The following MIGA2 variants were observed in gnomAD, a reference collection of about 807,000 sequenced individuals.
The protein encoded by MIGA2 is mitoguardin 2, also known as family with sequence similarity 73, member B.
Under a neutral mutation model 69.9 loss-of-function variants are expected in MIGA2, and 36 were observed. The ratio of observed to expected loss-of-function variants is 0.52; its 90% CI spans 0.39 to 0.68. MIGA2 has a LOEUF of 0.68. Among genes scored for constraint, MIGA2 ranks in the 30% least tolerant of loss-of-function variants. The pLI is 0.00. For synonymous variants in MIGA2, 333 were observed against 349.2 expected, an observed-to-expected ratio of 0.95 and a Z score of 0.52; for missense variants, 660 against 787.7, an observed-to-expected ratio of 0.84 and a Z score of 1.94.
In MIGA2 at chr9:129,060,513, G is replaced by C. The variant is rs151069272; in HGVS notation, c.794-37G>C. 3 of 1,494,784 alleles carry C rather than the reference G, an allele frequency of 2.0e-6. No homozygotes were observed. Among genetic ancestry groups the C allele is most frequent in the African/African-American group, 1.4e-5 (1 of 72,380 alleles). 92.6% of individuals were successfully genotyped at this position (1,494,784 alleles called of 1,614,324 possible). Reference sequence around the variant, plus strand: ...GGATTCCAGCTGAGCACTGTGTGGGGAGTCTCAGCCCCGCTTTCTCTCACT... The same window carrying C: ...GGATTCCAGCTGAGCACTGTGTGGGCAGTCTCAGCCCCGCTTTCTCTCACT... On this transcript the variant is annotated intron_variant, in intron 7 of 15. Coordinates refer to ENST00000684074, the MANE Select transcript of MIGA2 (RefSeq NM_001329990.2). The surrounding 1 kb of genome is among the most constrained non-coding windows in gnomAD (Gnocchi z 4.8).
intron 6 of MIGA2, among the ~76,000 whole-genome samples, chr9:129,057,348 G>A (rs1263974935): frequency 2.6e-5 from 4 of 152,016 alleles, no homozygotes; most frequent in African/African-American, 9.7e-5. Context: ...CTGGAGTGCA[G>A]TGGCTCTCGA....
rs570430958 is a variant in MIGA2, at chr9:129,069,620, G to A, written c.1459-229G>A. 6.1e-5 allele frequency: 35 copies of A among 576,714 alleles called. 1 individual carries two copies. In the Middle Eastern group the frequency reaches 2.2e-3, roughly 37 times the overall value. 35.7% of individuals were successfully genotyped at this position (576,714 alleles called of 1,614,324 possible). A position where few individuals can be genotyped will look rare whatever the true frequency, so the allele number is the denominator to read the frequency against. ...GCCACGTGCTCCAGGCACTTCCCGC[G>A]GAGCCACTATGGCCCCACCTCTTGC... On this transcript the variant is annotated intron_variant, in intron 14 of 15. Coordinates refer to ENST00000684074, the MANE Select transcript of MIGA2 (RefSeq NM_001329990.2). This position sits in a 1 kb window ranked among gnomAD's most constrained non-coding sequence, Gnocchi z 4.9.
At chr9:129,049,298 A>G in intron 4 of MIGA2, 83 bp from the exon 5 acceptor site, 2 of 1,322,278 alleles carry the variant, frequency 1.5e-6, no homozygotes, top group South Asian at 2.5e-5. Context: ...GCCCATGGTC[A>G]GGCAGTGGAG....
At chr9:129,046,638 G>T (rs920376185) in intron 3 of MIGA2, among the ~76,000 whole-genome samples, 72 of 151,880 alleles carry the variant, frequency 4.7e-4, no homozygotes, top group Non-Finnish European at 8.8e-5. Flanking sequence ...CTAGAGACAG[G>T]GTTTCACCAT....
rs188689406 is a variant in MIGA2 at position 129,064,913 on chromosome 9, G to A, written c.1170+1282G>A. On this transcript the variant is annotated intron_variant, in intron 11 of 15. Transcript: ENST00000684074. ...TCCTCCCACCTCAACCTCCTGAGTAGCTGGGATTACAGGCATGTGTCACCG... is the reference window on the plus strand; with the variant it reads ...TCCTCCCACCTCAACCTCCTGAGTAACTGGGATTACAGGCATGTGTCACCG... Among the ~76,000 whole-genome samples, 387 of 151,758 alleles carry A rather than the reference G, an allele frequency of 2.6e-3. 3 individuals are homozygous for A. Among genetic ancestry groups the A allele is most frequent in the African/African-American group, 8.7e-3 (360 of 41,358 alleles).
At position 129,061,446 on chromosome 9, in the gene MIGA2, A is replaced by G; in HGVS notation, c.1010+100A>G. On this transcript the variant is annotated intron_variant, in intron 9 of 15. Coordinates refer to ENST00000684074, the MANE Select transcript of MIGA2 (RefSeq NM_001329990.2). The surrounding 1 kb of genome is among the most constrained non-coding windows in gnomAD (Gnocchi z 5.0). ...AGCCAGCGGTGCTTGGCGAGGACTT[A>G]GCCTGAGTGAGTCCAGGCTGCCTGA... The G allele has an allele frequency of 9.5e-7, 1 of 1,050,362 alleles. No homozygotes were observed. The highest frequency in any genetic ancestry group is 1.4e-6 in the Non-Finnish European group (1 of 720,970). The allele number at this position is 1,050,362 out of a possible 1,614,324, so 65.1% of individuals were successfully genotyped here.
chr9:129,058,571 C>T (rs1845910806), intron 6 of MIGA2, among the ~76,000 whole-genome samples: 2 of 144,892 alleles, frequency 1.4e-5, no homozygotes, highest in African/African-American at 5.2e-5. Context: ...GCGATCTTGG[C>T]TCACTGCAAC....
At chr9:129,063,479 CT>C in intron 10 of MIGA2, 65 bp from the exon 11 acceptor site, 1 of 1,589,140 alleles carries the variant, frequency 6.3e-7, no homozygotes, top group Non-Finnish European at 8.6e-7. Context: ...TTATGTGGCC[CT>C]CTCCGTGGGC....
intron 6 of MIGA2, among the ~76,000 whole-genome samples, 154 bp downstream of exon 6, chr9:129,050,117 T>C (rs1488806404): frequency 6.6e-6 from 1 of 152,230 alleles, no homozygotes; most frequent in Non-Finnish European, 1.5e-5. Flanking sequence ...AAACAATTCA[T>C]GTCACGTGCT....
chr9:129,048,258 G>T (rs1250380471), intron 3 of MIGA2, among the ~76,000 whole-genome samples, 169 bp from the exon 4 acceptor site: 1 of 152,200 alleles, frequency 6.6e-6, no homozygotes, highest in Non-Finnish European at 1.5e-5. Flanking sequence ...GGAGGGCCCC[G>T]CGCTTTTCTC....
chr9:129,040,926 C>T (rs1844868602), intron 2 of MIGA2, among the ~76,000 whole-genome samples: 2 of 152,138 alleles, frequency 1.3e-5, no homozygotes, highest in South Asian at 2.1e-4. Context: ...TGCGATGGCT[C>T]ACGCCTGTAA....
intron 3 of MIGA2, among the ~76,000 whole-genome samples, chr9:129,044,712 C>T (rs866356253): frequency 6.6e-6 from 1 of 152,036 alleles, no homozygotes; most frequent in Non-Finnish European, 1.5e-5. Flanking sequence ...GCCACCACAC[C>T]CAGCTAATTT....
chr9:129,047,456 A>G (rs1254536569), intron 3 of MIGA2, among the ~76,000 whole-genome samples: 1 of 151,756 alleles, frequency 6.6e-6, no homozygotes, highest in Non-Finnish European at 1.5e-5. Flanking sequence ...TCTGTTGCCC[A>G]GGCTGGAGTG....
At chr9:129,038,867 C>T (rs1300412050) in intron 1 of MIGA2, among the ~76,000 whole-genome samples, 2 of 139,808 alleles carry the variant, frequency 1.4e-5, no homozygotes, top group Non-Finnish European at 3.0e-5. Flanking sequence ...GCGATCTAGG[C>T]TCACTGCAAC....
At chr9:129,046,680 C>T (rs1845240961) in intron 3 of MIGA2, among the ~76,000 whole-genome samples, 1 of 152,080 alleles carries the variant, frequency 6.6e-6, no homozygotes, top group Non-Finnish European at 1.5e-5. Flanking sequence ...CTCCTGACAT[C>T]AGGTGATCTG....
At chr9:129,040,757 C>T (rs555780519) in intron 2 of MIGA2, 67 bp downstream of exon 2, 25 of 1,435,766 alleles carry the variant, frequency 1.7e-5, no homozygotes, top group South Asian at 7.4e-5. Context: ...AGGGCTCCTC[C>T]GTGTCCAGGA....
chr9:129,041,988 G>T (rs113237377), intron 2 of MIGA2: 3 of 325,872 alleles, frequency 9.2e-6, no homozygotes, highest in Admixed American at 4.1e-5. Context: ...GGTACCCCAG[G>T]CTAGGTCCTA....
rs543379786 is a variant in MIGA2 at position 129,062,414 on chromosome 9, C to T, written c.1011-830C>T. ...GGGCATGGTGGCACATACCTGTAGT[C>T]CCAGCTACTTGGGAGGCTGAGACAG... On this transcript the variant is annotated intron_variant, in intron 9 of 15. Transcript: ENST00000684074. Among the ~76,000 whole-genome samples the T allele has an allele frequency of 3.3e-5, 5 of 151,632 alleles. No individual in the cohort carries two copies. In the South Asian group the frequency reaches 8.4e-4, roughly 25 times the overall value.
intron 2 of MIGA2, 90 bp downstream of exon 2, chr9:129,040,780 C>A: frequency 8.2e-7 from 1 of 1,222,204 alleles, no homozygotes; most frequent in Non-Finnish European, 1.1e-6. Flanking sequence ...GCTGAGCCCT[C>A]GTTCTTGCTT....
Sources: gnomAD v4.1 joint callset for allele counts (sites outside exome capture counted in the v4.1 genomes callset) on GRCh38, gnomAD v4.1.1 for gene constraint, Gnocchi (gnomAD v3.1) non-coding constraint, MANE v1.5 for transcripts, NCBI Gene and HGNC (gene_info 2026-07-23, HGNC 2026-07-21) for gene names.